GABRG3: variants seen among roughly 807,000 people sequenced by gnomAD.
GABRG3 encodes the protein gamma-aminobutyric acid type A receptor subunit gamma3, also known as gamma-aminobutyric acid receptor subunit gamma-3.
A neutral mutation model predicts 48.8 loss-of-function variants in GABRG3; 25 were observed. The observed-to-expected ratio is 0.51, with a 90% CI of 0.37 to 0.72. The LOEUF (loss-of-function observed/expected upper bound fraction) is 0.72, where lower values mean the gene tolerates loss of function less well. Among genes scored for constraint, GABRG3 ranks in the 30% least tolerant of loss-of-function variants. The probability of loss-of-function intolerance (pLI) is 0.00; values close to 1 mark genes in which losing one functional copy is unlikely to be tolerated. For missense variants in GABRG3, 394 were observed against 577.9 expected (o/e 0.68, Z 3.26); for synonymous variants, 227 against 217.6 (o/e 1.04, Z -0.38).
chr15:27,443,186 C>G (rs922212170), intron 5 of GABRG3, among the ~76,000 whole-genome samples: 1 of 152,144 alleles, frequency 6.6e-6, no homozygotes, highest in African/African-American at 2.4e-5. Context: ...CACCGATATA[C>G]CCAAAGGGAA....
intron 3 of GABRG3, among the ~76,000 whole-genome samples, chr15:27,103,265 G>T (rs559978541): frequency 6.6e-6 from 1 of 152,308 alleles, no homozygotes; most frequent in Non-Finnish European, 1.5e-5. Flanking sequence ...CCTCAGGAAT[G>T]ACTCTATTTT....
chr15:27,519,435 T>G (rs1891105685), intron 6 of GABRG3, among the ~76,000 whole-genome samples: 1 of 152,150 alleles, frequency 6.6e-6, no homozygotes. Flanking sequence ...AGTCCTGGGT[T>G]ACAAAAGGAT....
At chr15:27,415,983 C>G (rs919274434) in intron 5 of GABRG3, among the ~76,000 whole-genome samples, 5 of 152,180 alleles carry the variant, frequency 3.3e-5, no homozygotes, top group Admixed American at 1.3e-4. Flanking sequence ...CATACCCCCC[C>G]TCTTTCTAGC....
intron 5 of GABRG3, among the ~76,000 whole-genome samples, chr15:27,433,213 T>G (rs186944925): frequency 6.6e-6 from 1 of 152,308 alleles, no homozygotes; most frequent in East Asian, 1.9e-4. Context: ...GGAACCCCAC[T>G]CCAGGTACCA....
intron 6 of GABRG3, among the ~76,000 whole-genome samples, chr15:27,505,404 G>A (rs1890738274): frequency 6.6e-6 from 1 of 152,178 alleles, no homozygotes; most frequent in South Asian, 2.1e-4. Flanking sequence ...AGTCTAGCCT[G>A]TAATCAATTA....
intron 3 of GABRG3, among the ~76,000 whole-genome samples, chr15:27,077,175 C>T (rs372422372): frequency 9.2e-5 from 14 of 152,266 alleles, no homozygotes; most frequent in East Asian, 7.7e-4. Context: ...GCTGGGTGTT[C>T]GTGGAGGAGA....
At chr15:27,262,479 G>A (rs750917305) in intron 3 of GABRG3, among the ~76,000 whole-genome samples, 13 of 152,264 alleles carry the variant, frequency 8.5e-5, no homozygotes, top group East Asian at 1.9e-4. Context: ...GTTCTGCAGC[G>A]TCAGAGGTTG....
intron 3 of GABRG3, among the ~76,000 whole-genome samples, chr15:27,141,043 T>C (rs1898093160): frequency 6.6e-6 from 1 of 152,196 alleles, no homozygotes; most frequent in Admixed American, 6.5e-5. Context: ...TGGTTCCCTA[T>C]ACAGAAAAGT....
intron 3 of GABRG3, among the ~76,000 whole-genome samples, chr15:27,293,704 G>A (rs902008640): frequency 6.6e-6 from 1 of 151,330 alleles, no homozygotes; most frequent in East Asian, 1.9e-4. Flanking sequence ...AAAAAAAACA[G>A]AACAAAACTG....
At chr15:27,271,812 C>T (rs1891100258) in intron 3 of GABRG3, among the ~76,000 whole-genome samples, 1 of 152,184 alleles carries the variant, frequency 6.6e-6, no homozygotes, top group African/African-American at 2.4e-5. Context: ...GGAAGCTTTG[C>T]TGTTAAAACT....
At chr15:27,204,157 C>T (rs551848454) in intron 3 of GABRG3, among the ~76,000 whole-genome samples, 2 of 152,146 alleles carry the variant, frequency 1.3e-5, no homozygotes, top group South Asian at 4.1e-4. Flanking sequence ...CTTAGGTTTT[C>T]TTCTAGAGTT....
At chr15:27,332,990 GT>G (rs1453538775) in intron 5 of GABRG3, among the ~76,000 whole-genome samples, 1 of 152,142 alleles carries the variant, frequency 6.6e-6, no homozygotes, top group Non-Finnish European at 1.5e-5. Context: ...CTAAAATGTA[GT>G]TTAAAAGGTA....
intron 5 of GABRG3, among the ~76,000 whole-genome samples, chr15:27,332,419 A>G (rs955985992): frequency 6.6e-6 from 1 of 152,124 alleles, no homozygotes; most frequent in Non-Finnish European, 1.5e-5. Context: ...GAAGAATCCC[A>G]GCTACTTGGG....
intron 5 of GABRG3, among the ~76,000 whole-genome samples, chr15:27,378,701 A>G (rs116597608): frequency 6.6e-6 from 1 of 152,350 alleles, no homozygotes; most frequent in African/African-American, 2.4e-5. Flanking sequence ...ATCATGATAC[A>G]TAGTCTGATT....
chr15:27,098,853 C>T (rs1275288513), intron 3 of GABRG3, among the ~76,000 whole-genome samples: 1 of 151,760 alleles, frequency 6.6e-6, no homozygotes, highest in Non-Finnish European at 1.5e-5. Context: ...TGGAGCTGCC[C>T]CTTTGCTCTT....
intron 9 of GABRG3, among the ~76,000 whole-genome samples, chr15:27,531,325 C>T (rs1891418919): frequency 6.6e-6 from 1 of 152,200 alleles, no homozygotes; most frequent in African/African-American, 2.4e-5. Flanking sequence ...ACACTTCCAC[C>T]CCTCCCCGAT....
At chr15:27,532,579 T>C in intron 9 of GABRG3, 21 bp from the exon 10 acceptor site, 1 of 1,609,804 alleles carries the variant, frequency 6.2e-7, no homozygotes, top group African/African-American at 1.3e-5. Context: ...ATGGTTGTTG[T>C]GTCATTTTTG....
chr15:26,991,249 A>T (rs928745116), intron 2 of GABRG3, among the ~76,000 whole-genome samples: 2 of 152,132 alleles, frequency 1.3e-5, no homozygotes, highest in Non-Finnish European at 2.9e-5. Context: ...ATTTGTTTCC[A>T]GGTCCTCTAT....
At chr15:27,314,737 A>G (rs1381046036) in intron 3 of GABRG3, among the ~76,000 whole-genome samples, 1 of 152,194 alleles carries the variant, frequency 6.6e-6, no homozygotes, top group African/African-American at 2.4e-5. Context: ...AAAAGAAGAA[A>G]ATTCTGCACT....
Sources: allele counts gnomAD v4.1 joint callset (sites outside exome capture counted in the v4.1 genomes callset), GRCh38; gene constraint gnomAD v4.1.1; transcripts MANE v1.5; gene names NCBI Gene and HGNC (gene_info 2026-07-23, HGNC 2026-07-21).